CCDC80: variants seen among roughly 807,000 people sequenced by gnomAD.
CCDC80 encodes coiled-coil domain-containing protein 80.
A neutral mutation model predicts 78.7 loss-of-function variants in CCDC80; 49 were observed. That is an observed-to-expected ratio of 0.62 (90% CI 0.50 to 0.79). CCDC80 has a LOEUF of 0.79. Ranked by LOEUF, CCDC80 falls within the 30% of genes least tolerant of loss-of-function variation. The pLI is 0.00. For synonymous variants in CCDC80, 488 were observed against 447.0 expected (o/e 1.09, Z -1.16); for missense variants, 1,205 against 1,198.6 (o/e 1.01, Z -0.08).
intron 3 of CCDC80, among the ~76,000 whole-genome samples, chr3:112,620,266 CA>C (rs1559877801): frequency 6.6e-6 from 1 of 152,054 alleles, no homozygotes; most frequent in African/African-American, 2.4e-5. Flanking sequence ...TTCTCCAAAG[CA>C]AATCAAAATG....
chr3:112,638,897 T>G lies in CCDC80; in HGVS notation c.1009A>C (p.Thr337Pro), dbSNP rs1266136733. 1 of 1,613,316 alleles carries G rather than the reference T, an allele frequency of 6.2e-7. No individual in the cohort carries two copies. Among genetic ancestry groups the G allele is most frequent in the Non-Finnish European group, 8.5e-7 (1 of 1,179,986 alleles). The change falls in exon 2 of 8, where the codon ACT becomes CCT. Residue 337 changes from threonine to proline, a missense_variant. Physicochemically the swap from Thr to Pro is conservative, Grantham distance 38 (BLOSUM62 -1). Coordinates refer to ENST00000206423, the MANE Select transcript of CCDC80 (RefSeq NM_199511.3). ...GGAGGTTGGGGCAAAGCTGGTGCAGTGGCGGCCAGTTTTCTCAGGACCTTC... is the reference window on the plus strand; with the variant it reads ...GGAGGTTGGGGCAAAGCTGGTGCAGGGGCGGCCAGTTTTCTCAGGACCTTC... Reference protein sequence around the residue: ...RVKVLRKLAATAPALPQPPST... With the variant: ...RVKVLRKLAAPAPALPQPPST...
At chr3:112,612,765 G>A (rs1323927159) in intron 5 of CCDC80, among the ~76,000 whole-genome samples, 1 of 151,958 alleles carries the variant, frequency 6.6e-6, no homozygotes, top group Non-Finnish European at 1.5e-5. Context: ...ACTGGCTTCA[G>A]GGTCTGGTCA....
chr3:112,627,740 GA>G (rs1936005368), intron 3 of CCDC80, among the ~76,000 whole-genome samples: 1 of 151,832 alleles, frequency 6.6e-6, no homozygotes. Context: ...ATGACACAAG[GA>G]AAGAGAGGCC....
intron 2 of CCDC80, among the ~76,000 whole-genome samples, chr3:112,633,029 C>A (rs1279404241): frequency 1.3e-5 from 2 of 152,170 alleles, no homozygotes; most frequent in South Asian, 2.1e-4. Context: ...TCCTGGCTAG[C>A]TTGTAGCCTA....
intron 2 of CCDC80, among the ~76,000 whole-genome samples, chr3:112,633,228 A>G (rs1936133390): frequency 1.3e-5 from 2 of 152,210 alleles, no homozygotes; most frequent in African/African-American, 4.8e-5. Flanking sequence ...CCCCAAGCAC[A>G]TACAGGTATG....
In CCDC80 at chr3:112,619,073, A is replaced by C. The variant is rs1324030253; in HGVS notation, c.2067T>G (p.Asp689Glu). ...DNEKPMRVVDDEDLVDQRLIS... is the reference protein window; with the variant it reads ...DNEKPMRVVDEEDLVDQRLIS... ...TGAGACGCTGGTCTACCAAGTCTTCATCATCCACCACTCGCATGGGCTTCT... is the reference window on the plus strand; with the variant it reads ...TGAGACGCTGGTCTACCAAGTCTTCCTCATCCACCACTCGCATGGGCTTCT... Residue 689 changes from aspartate to glutamate, a missense_variant, in exon 4 of 8, where the codon GAT becomes GAG. Asp to Glu is a conservative substitution (Grantham distance 45). Transcript: ENST00000206423. 1 of 1,604,756 alleles carries C rather than the reference A, an allele frequency of 6.2e-7. No homozygotes were observed. Among genetic ancestry groups the C allele is most frequent in the Admixed American group, 1.7e-5 (1 of 57,526 alleles).
intron 3 of CCDC80, among the ~76,000 whole-genome samples, chr3:112,622,149 G>A (rs1935880791): frequency 6.6e-6 from 1 of 152,072 alleles, no homozygotes; most frequent in African/African-American, 2.4e-5. Context: ...CACACTCAAG[G>A]GTAGAAAGGA....
At chr3:112,611,039 G>A (rs1365716388) in intron 5 of CCDC80, among the ~76,000 whole-genome samples, 4 of 148,776 alleles carry the variant, frequency 2.7e-5, no homozygotes, top group Non-Finnish European at 5.9e-5. Context: ...TCATCCTCCC[G>A]AGTAGCTGGG....
intron 3 of CCDC80, among the ~76,000 whole-genome samples, chr3:112,619,367 G>A (rs568451652): frequency 6.6e-6 from 1 of 152,150 alleles, no homozygotes; most frequent in African/African-American, 2.4e-5. Flanking sequence ...AGGAACAAAG[G>A]AACAAAGTGA....
intron 5 of CCDC80, among the ~76,000 whole-genome samples, chr3:112,611,134 C>T (rs192423111): frequency 5.3e-5 from 8 of 152,152 alleles, no homozygotes; most frequent in Non-Finnish European, 1.0e-4. Context: ...AGGATGGTCT[C>T]GATCTCCTGA....
At chr3:112,628,633 G>C (rs6438085) in intron 3 of CCDC80, among the ~76,000 whole-genome samples, 16,549 of 152,170 alleles carry the variant, frequency 0.11, 987 homozygotes, top group South Asian at 0.2. Flanking sequence ...ATTTAAATCT[G>C]TCTGTCTCCA....
chr3:112,631,927 A>G (rs1936107740), intron 2 of CCDC80, among the ~76,000 whole-genome samples: 1 of 152,136 alleles, frequency 6.6e-6, no homozygotes, highest in South Asian at 2.1e-4. Context: ...TTTTAAATAG[A>G]CATGCTTTAG....
intron 1 of CCDC80, 135 bp downstream of exon 1, chr3:112,640,192 A>G: frequency 2.4e-6 from 1 of 420,020 alleles, no homozygotes; most frequent in South Asian, 3.8e-5. Context: ...GTACTGTTTC[A>G]ACTAATGCTC....
At chr3:112,610,572 G>A (rs1355595219) in intron 5 of CCDC80, among the ~76,000 whole-genome samples, 1 of 152,178 alleles carries the variant, frequency 6.6e-6, no homozygotes, top group Non-Finnish European at 1.5e-5. Context: ...CAGGAAAAAG[G>A]AAAATGGGAG....
chr3:112,610,410 CTG>C (rs1935601039), intron 5 of CCDC80: 1 of 342,200 alleles, frequency 2.9e-6, no homozygotes, highest in South Asian at 2.8e-5. Context: ...GTACATTAAA[CTG>C]TAGCAATGGA....
chr3:112,596,822 A>G lies in CCDC80; in HGVS notation c.*8595T>C, dbSNP rs1415299706. Reference sequence around the variant, plus strand: ...TCAAATAAACCTTTTATTTACAGGCAAAGGATATAGTACAAGAAGAAAAAG... The same window carrying G: ...TCAAATAAACCTTTTATTTACAGGCGAAGGATATAGTACAAGAAGAAAAAG... On this transcript the variant is annotated 3_prime_UTR_variant, in exon 8 of 8. Transcript: ENST00000206423. 2.0e-5 allele frequency: 3 copies of G among 152,088 alleles called. No homozygotes were observed. The highest frequency in any genetic ancestry group is 7.2e-5 in the African/African-American group (3 of 41,432). 9.4% of individuals were successfully genotyped at this position (152,088 alleles called of 1,614,324 possible).
Position 112,638,012 on chromosome 3 carries a change from G to A in CCDC80, c.1878+16C>T, listed in dbSNP as rs761848817. 7.6e-6 allele frequency: 12 copies of A among 1,579,804 alleles called. No individual in the cohort carries two copies. The highest frequency in any genetic ancestry group is 1.0e-5 in the Non-Finnish European group (12 of 1,168,716). On this transcript the variant is annotated intron_variant, in intron 2 of 7. Transcript: ENST00000206423. ...GCCTCAGCCCATAGAAGAATGCCAA[G>A]GAGAAGGCTACTTACAAGGAGTCTT...
At chr3:112,637,981 T>A in intron 2 of CCDC80, 47 bp downstream of exon 2, 1 of 1,549,284 alleles carries the variant, frequency 6.5e-7, no homozygotes, top group Non-Finnish European at 8.6e-7. Context: ...GACGTTAACA[T>A]GCCCTGCCTC....
rs978648731 is a variant in CCDC80, at chr3:112,605,219, C to A, written c.*198G>T. The A allele has an allele frequency of 1.5e-5, 7 of 472,340 alleles. No individual in the cohort carries two copies. Among genetic ancestry groups the A allele is most frequent in the South Asian group, 4.9e-5 (1 of 20,588 alleles). The allele number at this position is 472,340 out of a possible 1,614,324, so 29.3% of individuals were successfully genotyped here. A position where few individuals can be genotyped will look rare whatever the true frequency, so the allele number is the denominator to read the frequency against. ...AGCCCCTCCAGTTAGAAAAACAATT[C>A]TTTTAAATGTCTTTATGATTTGAGG... On this transcript the variant is annotated 3_prime_UTR_variant, in exon 8 of 8. Coordinates refer to ENST00000206423, the MANE Select transcript of CCDC80 (RefSeq NM_199511.3).
Sources: gnomAD v4.1 joint callset for allele counts (sites outside exome capture counted in the v4.1 genomes callset) on GRCh38, gnomAD v4.1.1 for gene constraint, MANE v1.5 for transcripts, NCBI Gene and HGNC (gene_info 2026-07-23, HGNC 2026-07-21) for gene names.